Variants in STK32C observed in about 807,000 individuals in gnomAD.
STK32C encodes serine/threonine-protein kinase 32C.
STK32C carries 31 observed loss-of-function variants against 56.5 expected under a neutral mutation model. That is an observed-to-expected ratio of 0.55 (90% CI 0.41 to 0.74). STK32C has a LOEUF of 0.74. Ranked by LOEUF, STK32C falls within the 30% of genes least tolerant of loss-of-function variation. The probability of loss-of-function intolerance (pLI) is 0.00; values close to 1 mark genes in which losing one functional copy is unlikely to be tolerated. For synonymous variants in STK32C, 309 were observed against 289.4 expected (o/e 1.07, Z -0.69); for missense variants, 544 against 676.9 (o/e 0.80, Z 2.18).
chr10:132,269,824 G>A (rs896641663), intron 1 of STK32C, among the ~76,000 whole-genome samples: 6 of 152,224 alleles, frequency 3.9e-5, no homozygotes, highest in Admixed American at 3.3e-4. Flanking sequence ...CCAAGCCTGA[G>A]AGGTTGGTGT....
chr10:132,251,733 C>CG lies in STK32C; in HGVS notation c.263-5779_263-5778insC, dbSNP rs1236728133. On this transcript the variant is annotated intron_variant, in intron 1 of 11. Coordinates refer to ENST00000298630, the MANE Select transcript of STK32C (RefSeq NM_173575.4). ...CCTCCACTACCCACCACAGGCAGGT[C>CG]AACACCCTACACCTCCTGGGGCCTC... 6.0e-5 allele frequency among the ~76,000 whole-genome samples: 9 copies of CG among 150,868 alleles called. 2 individuals carry two copies. Among genetic ancestry groups the CG allele is most frequent in the South Asian group, 4.2e-4 (2 of 4,792 alleles).
At chr10:132,210,459 G>A (rs1192702431) in intron 10 of STK32C, among the ~76,000 whole-genome samples, 4 of 152,182 alleles carry the variant, frequency 2.6e-5, no homozygotes, top group South Asian at 2.1e-4. Context: ...TGTTGGCCAC[G>A]CCAGTCTTGA....
chr10:132,257,881 G>C (rs780738233), intron 1 of STK32C, among the ~76,000 whole-genome samples: 22 of 152,280 alleles, frequency 1.4e-4, no homozygotes, highest in Middle Eastern at 3.4e-3. Context: ...TGTGCAGCCT[G>C]CCTGAGGCCC....
At chr10:132,220,485 A>G (rs1311529912) in intron 10 of STK32C, among the ~76,000 whole-genome samples, 1 of 152,242 alleles carries the variant, frequency 6.6e-6, no homozygotes, top group Non-Finnish European at 1.5e-5. Flanking sequence ...CACATGGAAC[A>G]CGAACCACGT....
chr10:132,246,022 C>A (rs1437142706), intron 1 of STK32C, 67 bp from the exon 2 acceptor site: 5 of 1,476,592 alleles, frequency 3.4e-6, no homozygotes, highest in Admixed American at 1.7e-5. Context: ...GCAGCTCCCC[C>A]ACCTCAACAT....
At chr10:132,235,646 A>G (rs2063260997) in intron 2 of STK32C, among the ~76,000 whole-genome samples, 1 of 152,162 alleles carries the variant, frequency 6.6e-6, no homozygotes, top group African/African-American at 2.4e-5. Flanking sequence ...GCAGAAGCAG[A>G]CAGGATGCTC....
intron 10 of STK32C, among the ~76,000 whole-genome samples, chr10:132,210,745 G>A (rs1333015436): frequency 6.6e-6 from 1 of 152,242 alleles, no homozygotes; most frequent in Non-Finnish European, 1.5e-5. Flanking sequence ...CACGAGGAAG[G>A]AAGCATAGGG....
chr10:132,267,850 T>G lies in STK32C; in HGVS notation c.263-21895A>C, dbSNP rs371228758. ...GTGTCAGTGCGTGTGCATGCATGTGTATGCAGGTTCAGCTCTATGCCTGTC... is the reference window on the plus strand; with the variant it reads ...GTGTCAGTGCGTGTGCATGCATGTGGATGCAGGTTCAGCTCTATGCCTGTC... On this transcript the variant is annotated intron_variant, in intron 1 of 11. Transcript: ENST00000298630. 1.7e-5 allele frequency among the ~76,000 whole-genome samples: 2 copies of G among 114,762 alleles called. 1 individual carries two copies. The highest frequency in any genetic ancestry group is 6.8e-5 in the African/African-American group (2 of 29,332). 75.3% of individuals were successfully genotyped at this position (114,762 alleles called of 152,430 possible).
At chr10:132,300,187 T>C (rs2065871412) in intron 1 of STK32C, among the ~76,000 whole-genome samples, 1 of 152,212 alleles carries the variant, frequency 6.6e-6, no homozygotes, top group African/African-American at 2.4e-5. Flanking sequence ...GGAGAAACCT[T>C]TGCAAAGTCA....
intron 10 of STK32C, among the ~76,000 whole-genome samples, chr10:132,221,802 A>G (rs2062672444): frequency 8.3e-6 from 1 of 120,842 alleles, no homozygotes; most frequent in Admixed American, 9.6e-5. Flanking sequence ...TCATGTGGCC[A>G]TCCCTGCACA....
upstream of STK32C, among the ~76,000 whole-genome samples, chr10:132,312,472 C>A (rs1295539996): frequency 1.3e-5 from 2 of 152,122 alleles, no homozygotes; most frequent in Non-Finnish European, 2.9e-5. Flanking sequence ...ATCTGTGTAA[C>A]TGTGAAACTG....
chr10:132,269,753 C>T (rs1267231931), intron 1 of STK32C, among the ~76,000 whole-genome samples: 5 of 152,250 alleles, frequency 3.3e-5, no homozygotes, highest in African/African-American at 1.2e-4. Flanking sequence ...CCCTTCAGCC[C>T]TGGCCTCCCC....
intron 1 of STK32C, among the ~76,000 whole-genome samples, chr10:132,276,692 C>G (rs148471656): frequency 6.6e-6 from 1 of 151,856 alleles, no homozygotes; most frequent in Non-Finnish European, 1.5e-5. Flanking sequence ...GAGACTGGGG[C>G]GGGAGGATTG....
intron 10 of STK32C, 70 bp from the exon 11 acceptor site, chr10:132,209,171 GTGTC>G (rs954451862): frequency 8.0e-5 from 115 of 1,431,896 alleles, no homozygotes; most frequent in Middle Eastern, 1.7e-4. Flanking sequence ...CCTCAAGTGA[GTGTC>G]TGGGCATCCC....
chr10:132,238,345 C>T (rs1268828123), intron 2 of STK32C, among the ~76,000 whole-genome samples: 2 of 152,130 alleles, frequency 1.3e-5, no homozygotes, highest in African/African-American at 2.4e-5. Context: ...TTGATGAGAC[C>T]GTTCGTTATA....
chr10:132,298,413 G>A (rs992045159), intron 1 of STK32C, among the ~76,000 whole-genome samples: 3 of 152,270 alleles, frequency 2.0e-5, no homozygotes, highest in Non-Finnish European at 2.9e-5. Context: ...CCGAGACTCT[G>A]AGGACGGCTG....
intron 7 of STK32C, among the ~76,000 whole-genome samples, chr10:132,224,960 C>T (rs1254875286): frequency 6.6e-6 from 1 of 152,218 alleles, no homozygotes; most frequent in Non-Finnish European, 1.5e-5. Flanking sequence ...GGCAGCACCC[C>T]TGCTGGCCAG....
rs745928412 is a variant in STK32C at position 132,307,850 on chromosome 10, G to A, written c.-17C>T. The A allele has an allele frequency of 1.7e-6, 2 of 1,142,906 alleles. No homozygotes were observed. The highest frequency in any genetic ancestry group is 2.2e-6 in the Non-Finnish European group (2 of 924,170). 70.8% of individuals were successfully genotyped at this position (1,142,906 alleles called of 1,614,324 possible). The stretch of plus-strand genomic sequence containing the variant: ...ACTCCTCATCGCCGGGTCTGGGTGC[G>A]CGCGGCAGCCGGAACTCGGGGCATG... On this transcript the variant is annotated 5_prime_UTR_variant, in exon 1 of 12. Coordinates refer to ENST00000298630, the MANE Select transcript of STK32C (RefSeq NM_173575.4). This position sits in a 1 kb window ranked among gnomAD's most constrained non-coding sequence, Gnocchi z 4.4.
chr10:132,287,551 A>G (rs1447926588), intron 1 of STK32C, among the ~76,000 whole-genome samples: 1 of 151,336 alleles, frequency 6.6e-6, no homozygotes. Flanking sequence ...TCCCGGGTTC[A>G]AGTGATTCTT....
Sources: gnomAD v4.1 joint callset for allele counts (sites outside exome capture counted in the v4.1 genomes callset) on GRCh38, gnomAD v4.1.1 for gene constraint, Gnocchi (gnomAD v3.1) non-coding constraint, MANE v1.5 for transcripts, NCBI Gene and HGNC (gene_info 2026-07-23, HGNC 2026-07-21) for gene names.